Variants in ARHGAP31 observed in about 807,000 individuals in gnomAD.
ARHGAP31 encodes Rho GTPase activating protein 31, also known as rho GTPase-activating protein 31.
ARHGAP31 carries 34 observed loss-of-function variants against 113.9 expected under a neutral mutation model. The ratio of observed to expected loss-of-function variants is 0.30; its 90% CI spans 0.23 to 0.40. The LOEUF is 0.40. ARHGAP31 is among the 10% of genes least tolerant of loss of function. The pLI is 1.00. For synonymous variants in ARHGAP31, 650 were observed against 684.8 expected (o/e 0.95, Z 0.79); for missense variants, 1,548 against 1,767.1 (o/e 0.88, Z 2.22).
chr3:119,372,383 A>C (rs2107626292), intron 3 of ARHGAP31, among the ~76,000 whole-genome samples: 1 of 150,442 alleles, frequency 6.6e-6, no homozygotes, highest in South Asian at 2.1e-4. Flanking sequence ...TCCCGGGTTC[A>C]AGCTATTCTC....
chr3:119,386,729 G>A (rs2080452515), intron 6 of ARHGAP31, among the ~76,000 whole-genome samples: 1 of 152,228 alleles, frequency 6.6e-6, no homozygotes, highest in African/African-American at 2.4e-5. Flanking sequence ...TGGATACAAG[G>A]CAGAAGGAGC....
At chr3:119,379,808 T>C (rs2080379352) in intron 3 of ARHGAP31, among the ~76,000 whole-genome samples, 1 of 152,210 alleles carries the variant, frequency 6.6e-6, no homozygotes, top group African/African-American at 2.4e-5. Flanking sequence ...ACATTTTTAA[T>C]ATATGTAAAT....
At chr3:119,383,280 T>C in intron 6 of ARHGAP31, 54 bp downstream of exon 6, 1 of 1,606,784 alleles carries the variant, frequency 6.2e-7, no homozygotes, top group South Asian at 1.1e-5. Context: ...TTCTTGCAAC[T>C]AGTGGTGGGA....
intron 1 of ARHGAP31, among the ~76,000 whole-genome samples, chr3:119,311,609 G>A (rs2079684268): frequency 6.6e-6 from 1 of 152,214 alleles, no homozygotes; most frequent in Non-Finnish European, 1.5e-5. Context: ...GGACACGGTT[G>A]GCTAACAGAT....
intron 10 of ARHGAP31, 143 bp from the exon 11 acceptor site, chr3:119,409,353 G>C (rs1294816437): frequency 1.0e-6 from 1 of 960,022 alleles, no homozygotes; most frequent in African/African-American, 1.6e-5. Context: ...TAGGATAAAA[G>C]AGTAAATGCA....
intron 10 of ARHGAP31, 104 bp from the exon 11 acceptor site, chr3:119,409,392 C>T: frequency 7.3e-7 from 1 of 1,365,934 alleles, no homozygotes; most frequent in South Asian, 1.2e-5. Context: ...GAATTCCCTC[C>T]ATCCTTCTGA....
At chr3:119,321,279 C>CTATATA (rs71693848) in intron 1 of ARHGAP31, among the ~76,000 whole-genome samples, 1 of 140,436 alleles carries the variant, frequency 7.1e-6, no homozygotes, top group African/African-American at 2.6e-5. Context: ...TATATATATA[C>CTATATA]TATATATATA....
At chr3:119,355,820 CT>C (rs932038468) in intron 1 of ARHGAP31, among the ~76,000 whole-genome samples, 36 of 152,236 alleles carry the variant, frequency 2.4e-4, no homozygotes, top group African/African-American at 8.4e-4. Context: ...TGAACTCATC[CT>C]TTTTTATGGC....
chr3:119,372,315 C>T (rs1174968157), intron 3 of ARHGAP31, among the ~76,000 whole-genome samples: 1 of 145,926 alleles, frequency 6.9e-6, no homozygotes, highest in Non-Finnish European at 1.5e-5. Context: ...CAGAGTCTCA[C>T]TCTTGTCACC....
At chr3:119,302,414 G>T (rs1337613072) in intron 1 of ARHGAP31, among the ~76,000 whole-genome samples, 1 of 152,192 alleles carries the variant, frequency 6.6e-6, no homozygotes, top group Non-Finnish European at 1.5e-5. Context: ...AGAGAAAGAT[G>T]AAAACATCAG....
intron 1 of ARHGAP31, among the ~76,000 whole-genome samples, chr3:119,304,980 T>G (rs934756313): frequency 6.6e-6 from 1 of 152,202 alleles, no homozygotes; most frequent in African/African-American, 2.4e-5. Context: ...CTCTGTTTCT[T>G]GATTAAATCT....
At chr3:119,299,560 AC>A (rs2079562215) in intron 1 of ARHGAP31, among the ~76,000 whole-genome samples, 1 of 152,200 alleles carries the variant, frequency 6.6e-6, no homozygotes, top group South Asian at 2.1e-4. Flanking sequence ...GGCAACGGGA[AC>A]TTTTAGATGT....
At chr3:119,373,753 C>G (rs1025968132) in intron 3 of ARHGAP31, among the ~76,000 whole-genome samples, 6 of 151,824 alleles carry the variant, frequency 4.0e-5, no homozygotes, top group African/African-American at 9.7e-5. Flanking sequence ...CGTGAGCCAC[C>G]GCACCCAGCT....
At chr3:119,371,346 C>A (rs1336533095) in intron 3 of ARHGAP31, among the ~76,000 whole-genome samples, 1 of 152,178 alleles carries the variant, frequency 6.6e-6, no homozygotes, top group Non-Finnish European at 1.5e-5. Flanking sequence ...TGTTTTCTCA[C>A]AGCAACTGAA....
At chr3:119,392,172 G>A (rs2080510741) in intron 7 of ARHGAP31, among the ~76,000 whole-genome samples, 1 of 152,200 alleles carries the variant, frequency 6.6e-6, no homozygotes, top group South Asian at 2.1e-4. Context: ...CTGGGTCCAG[G>A]TATGATGACT....
In ARHGAP31 at chr3:119,294,833, G is replaced by A; in HGVS notation, c.-72G>A. Reference sequence around the variant, plus strand: ...GCGGGGCAGCCGGTGATCTAGCCCGGGAGCCCATCTTACAGCGGTGCCAAG... The same window carrying A: ...GCGGGGCAGCCGGTGATCTAGCCCGAGAGCCCATCTTACAGCGGTGCCAAG... On this transcript the variant is annotated 5_prime_UTR_variant, in exon 1 of 12. Coordinates refer to ENST00000264245, the MANE Select transcript of ARHGAP31 (RefSeq NM_020754.4). The A allele has an allele frequency of 7.1e-7, 1 of 1,406,478 alleles. No homozygotes were observed. Among genetic ancestry groups the A allele is most frequent in the Non-Finnish European group, 1.0e-6 (1 of 992,716 alleles). 87.1% of individuals were successfully genotyped at this position (1,406,478 alleles called of 1,614,324 possible).
At chr3:119,372,519 G>A (rs757777215) in intron 3 of ARHGAP31, among the ~76,000 whole-genome samples, 12 of 152,098 alleles carry the variant, frequency 7.9e-5, no homozygotes, top group Non-Finnish European at 1.2e-4. Context: ...CTGACCTCAG[G>A]TGATCCACCC....
At chr3:119,307,649 A>G (rs2079641895) in intron 1 of ARHGAP31, among the ~76,000 whole-genome samples, 1 of 152,194 alleles carries the variant, frequency 6.6e-6, no homozygotes, top group African/African-American at 2.4e-5. Context: ...GCAATTAGAA[A>G]AAGAAAATAA....
intron 2 of ARHGAP31, among the ~76,000 whole-genome samples, chr3:119,367,596 C>T (rs1314428723): frequency 2.6e-5 from 4 of 152,064 alleles, no homozygotes. Flanking sequence ...TGGTGGCTCA[C>T]GCCTGTAATC....
Sources: gnomAD v4.1 joint callset for allele counts (sites outside exome capture counted in the v4.1 genomes callset) on GRCh38, gnomAD v4.1.1 for gene constraint, MANE v1.5 for transcripts, NCBI Gene and HGNC (gene_info 2026-07-23, HGNC 2026-07-21) for gene names.